The following CPNE5 variants were observed in gnomAD, a reference collection of about 807,000 sequenced individuals.
CPNE5 encodes the protein copine-5.
Under a neutral mutation model 81.1 loss-of-function variants are expected in CPNE5, and 42 were observed. That is an observed-to-expected ratio of 0.52 (90% CI 0.40 to 0.67). The LOEUF is 0.67. Ranked by LOEUF, CPNE5 falls within the 30% of genes least tolerant of loss-of-function variation. The probability of loss-of-function intolerance (pLI) is 0.00; values close to 1 mark genes in which losing one functional copy is unlikely to be tolerated. For missense variants in CPNE5, 612 were observed against 815.5 expected, an observed-to-expected ratio of 0.75 and a Z score of 3.04; for synonymous variants, 313 against 321.5, an observed-to-expected ratio of 0.97 and a Z score of 0.28.
chr6:36,800,022 G>A lies in CPNE5; in HGVS notation c.232C>T (p.Arg78Cys), dbSNP rs755076731. 8.7e-6 allele frequency: 14 copies of A among 1,613,876 alleles called. No homozygotes were observed. Among genetic ancestry groups the A allele is most frequent in the East Asian group, 4.5e-5 (2 of 44,890 alleles). Residue 78 changes from arginine (R) to cysteine (C), a missense_variant, in exon 4 of 21, where the codon CGC becomes TGC. Physicochemically the swap from Arg to Cys is radical, Grantham distance 180. Coordinates refer to ENST00000244751, the MANE Select transcript of CPNE5 (RefSeq NM_020939.2). ...AAAAAGTAATCCACAATGAACTTGC[G>A]CACGAAGTCAGGATTGAGCGTGTTG... ...IDNTLNPDFV[R>C]KFIVDYFFEE...
Position 36,746,253 on chromosome 6 carries a change from C to G in CPNE5, c.1200+143G>C, listed in dbSNP as rs1764144671. On this transcript the variant is annotated intron_variant, in intron 16 of 20. Coordinates refer to ENST00000244751, the MANE Select transcript of CPNE5 (RefSeq NM_020939.2). This position sits in a 1 kb window ranked among gnomAD's most constrained non-coding sequence, Gnocchi z 4.5. ...AAGGGAGTGGATTTCTGGAGCCCCC[C>G]TACACACAGCAGGCAGTCTACCTCC... The G allele has an allele frequency of 7.1e-7, 1 of 1,417,396 alleles. No individual in the cohort carries two copies. Among genetic ancestry groups the G allele is most frequent in the Non-Finnish European group, 9.2e-7 (1 of 1,090,986 alleles). The allele number at this position is 1,417,396 out of a possible 1,614,324, so 87.8% of individuals were successfully genotyped here.
intron 3 of CPNE5, among the ~76,000 whole-genome samples, chr6:36,820,332 ATTCT>A (rs1245914076): frequency 9.1e-6 from 1 of 109,582 alleles, no homozygotes; most frequent in East Asian, 2.8e-4. Flanking sequence ...TTCCTAATCC[ATTCT>A]TTTTTTTTTT....
intron 8 of CPNE5, 27 bp from the exon 9 acceptor site, chr6:36,778,984 G>A (rs763720123): frequency 6.7e-7 from 1 of 1,495,978 alleles, no homozygotes; most frequent in Non-Finnish European, 9.3e-7. Context: ...AGAACGGGGT[G>A]TGAGGCAGGA....
chr6:36,764,775 C>A (rs1338095495), intron 11 of CPNE5, among the ~76,000 whole-genome samples: 1 of 152,156 alleles, frequency 6.6e-6, no homozygotes, highest in Non-Finnish European at 1.5e-5. Context: ...GTAGCTCTCC[C>A]TTCCCACAGC....
chr6:36,745,138 G>A lies in CPNE5; in HGVS notation c.1341C>T (p.Ala447=), dbSNP rs757247316. ...CCGAGTACTGGGAGCCATCCTGCAC[G>A]GCCGCTGCATTCCTGGGTGGGGCAG... ...VVTHVARNAA[A]VQDGSQYSVL... Residue 447 remains alanine, a synonymous_variant, in exon 18 of 21, where the codon GCC becomes GCT. Coordinates refer to ENST00000244751, the MANE Select transcript of CPNE5 (RefSeq NM_020939.2). The A allele has an allele frequency of 1.4e-5, 23 of 1,613,366 alleles. No individual in the cohort carries two copies. Among genetic ancestry groups the A allele is most frequent in the Non-Finnish European group, 1.7e-5 (20 of 1,179,500 alleles).
At chr6:36,837,609 G>A (rs551683061) in intron 1 of CPNE5, among the ~76,000 whole-genome samples, 93 of 152,276 alleles carry the variant, frequency 6.1e-4, no homozygotes, top group African/African-American at 2.2e-3. Flanking sequence ...TAGGGCCCAC[G>A]GGACACAGAA....
chr6:36,754,157 CAGCCCAGACCCATTAT>C (rs1765141860), intron 13 of CPNE5: 1 of 152,046 alleles, frequency 6.6e-6, no homozygotes, highest in Admixed American at 6.5e-5. Flanking sequence ...GATCATCCTG[CAGCCCAGACCCATTAT>C]AGCCGAGTTT....
chr6:36,749,399 A>G (rs1462796041), intron 14 of CPNE5, among the ~76,000 whole-genome samples: 1 of 152,218 alleles, frequency 6.6e-6, no homozygotes, highest in Non-Finnish European at 1.5e-5. Context: ...TTTTAAAACT[A>G]TAAGATAATT....
intron 6 of CPNE5, among the ~76,000 whole-genome samples, chr6:36,797,649 C>T (rs1769711988): frequency 6.6e-6 from 1 of 152,222 alleles, no homozygotes; most frequent in Non-Finnish European, 1.5e-5. Flanking sequence ...GAGCCCGCTT[C>T]AGAGTAACAG....
At chr6:36,764,274 G>A (rs1238978568) in intron 11 of CPNE5, among the ~76,000 whole-genome samples, 1 of 152,034 alleles carries the variant, frequency 6.6e-6, no homozygotes, top group Non-Finnish European at 1.5e-5. Context: ...AATTCCAGGT[G>A]GAAACAATGA....
chr6:36,800,379 C>G (rs1769995407), intron 3 of CPNE5, among the ~76,000 whole-genome samples: 1 of 152,214 alleles, frequency 6.6e-6, no homozygotes, highest in Non-Finnish European at 1.5e-5. Context: ...AGTGGCATAT[C>G]CTCATTCCTT....
intron 3 of CPNE5, among the ~76,000 whole-genome samples, chr6:36,820,942 G>A (rs1771990283): frequency 6.6e-6 from 1 of 151,238 alleles, no homozygotes; most frequent in Non-Finnish European, 1.5e-5. Flanking sequence ...GGAAGACACT[G>A]TCTCAAGGAA....
At chr6:36,776,525 TG>T (rs1162193127) in intron 9 of CPNE5, among the ~76,000 whole-genome samples, 1 of 151,724 alleles carries the variant, frequency 6.6e-6, no homozygotes, top group Non-Finnish European at 1.5e-5. Context: ...CCTGGGGCAG[TG>T]GTGGGAGGGG....
Position 36,745,110 on chromosome 6 carries a change from G to A in CPNE5, c.1369C>T (p.Leu457=). 6.2e-7 allele frequency: 1 copy of A among 1,614,060 alleles called. No homozygotes were observed. The highest frequency in any genetic ancestry group is 1.1e-5 in the South Asian group (1 of 91,080). The change falls in exon 18 of 21, where the codon CTG becomes TTG. Residue 457 remains leucine, a synonymous_variant. Coordinates refer to ENST00000244751, the MANE Select transcript of CPNE5 (RefSeq NM_020939.2). ...ATGACCCCATCAGTAATGATGAGCA[G>A]CACCGAGTACTGGGAGCCATCCTGC... ...AVQDGSQYSV[L]LIITDGVISD...
chr6:36,799,529 G>A (rs1272544834), intron 4 of CPNE5, among the ~76,000 whole-genome samples: 4 of 152,182 alleles, frequency 2.6e-5, no homozygotes, highest in East Asian at 3.8e-4. Flanking sequence ...CTGGATGCCT[G>A]AGCCCCATCA....
At chr6:36,838,019 C>T (rs1408446475) in intron 1 of CPNE5, among the ~76,000 whole-genome samples, 1 of 152,046 alleles carries the variant, frequency 6.6e-6, no homozygotes, top group African/African-American at 2.4e-5. Flanking sequence ...ATCACAGGAG[C>T]CCCCAGAGGG....
intron 3 of CPNE5, among the ~76,000 whole-genome samples, chr6:36,800,747 G>A (rs150292686): frequency 9.2e-5 from 14 of 152,314 alleles, no homozygotes; most frequent in East Asian, 3.9e-4. Context: ...TATGACTTCC[G>A]TCTGGGCACC....
chr6:36,828,555 T>A (rs1772719503), intron 1 of CPNE5, among the ~76,000 whole-genome samples: 1 of 152,170 alleles, frequency 6.6e-6, no homozygotes, highest in Admixed American at 6.5e-5. Context: ...GAGCAAAGGC[T>A]TTGGCTTCAG....
chr6:36,821,564 G>A (rs1772052296), intron 3 of CPNE5, among the ~76,000 whole-genome samples: 2 of 151,498 alleles, frequency 1.3e-5, no homozygotes, highest in Admixed American at 1.3e-4. Context: ...CACATGGAGT[G>A]GGGGTGGGGA....
Sources: gnomAD v4.1 joint callset for allele counts (sites outside exome capture counted in the v4.1 genomes callset) on GRCh38, gnomAD v4.1.1 for gene constraint, Gnocchi (gnomAD v3.1) non-coding constraint, MANE v1.5 for transcripts, NCBI Gene and HGNC (gene_info 2026-07-23, HGNC 2026-07-21) for gene names.